Variants in HEPACAM2 observed in about 807,000 individuals in gnomAD.
HEPACAM2 encodes HEPACAM family member 2, also known as mitotic kinetics regulator.
In HEPACAM2, 49 loss-of-function variants were observed where a neutral mutation model predicts 49.6. The ratio of observed to expected loss-of-function variants is 0.99; its 90% CI spans 0.78 to 1.25. The LOEUF is 1.25. HEPACAM2 is among the 50% of genes most tolerant of loss of function. The pLI is 0.00. For missense variants in HEPACAM2, 525 were observed against 557.2 expected (o/e 0.94, Z 0.58); for synonymous variants, 197 against 202.9 (o/e 0.97, Z 0.25).
upstream of HEPACAM2, among the ~76,000 whole-genome samples, chr7:93,229,419 C>T (rs117033279): frequency 7.5e-3 from 1,148 of 152,282 alleles, 2 homozygotes; most frequent in Non-Finnish European, 0.013. Flanking sequence ...GAAGTGTAGT[C>T]ATATCATCTT....
At chr7:93,190,035 TTAAAA>T (rs1793503089) in intron 9 of HEPACAM2, among the ~76,000 whole-genome samples, 1 of 152,014 alleles carries the variant, frequency 6.6e-6, no homozygotes, top group Non-Finnish European at 1.5e-5. Context: ...TAATCTTTAG[TTAAAA>T]TAAGTAAACA....
intron 7 of HEPACAM2, 116 bp downstream of exon 7, chr7:93,197,125 G>T (rs569899159): frequency 3.7e-4 from 248 of 671,056 alleles, no homozygotes; most frequent in Middle Eastern, 3.0e-3. Flanking sequence ...GTAAGAGACT[G>T]TTATATTAAT....
intron 2 of HEPACAM2, among the ~76,000 whole-genome samples, chr7:93,217,988 G>A (rs574631131): frequency 2.6e-4 from 40 of 151,730 alleles, no homozygotes; most frequent in Admixed American, 5.3e-4. Flanking sequence ...TTTGAGCCAA[G>A]ACCTAAAGGA....
intron 1 of HEPACAM2, chr7:93,225,771 T>A: frequency 2.3e-6 from 1 of 428,930 alleles, no homozygotes; most frequent in Non-Finnish European, 4.1e-6. Flanking sequence ...AAATTCTTAA[T>A]AGGACTAGCC....
Position 93,188,676 on chromosome 7 carries a change from C to G in HEPACAM2, c.*591G>C, listed in dbSNP as rs1350831741. The G allele has an allele frequency of 4.9e-6, 1 of 206,108 alleles. No homozygotes were observed. The highest frequency in any genetic ancestry group is 9.6e-6 in the Non-Finnish European group (1 of 104,644). 12.8% of individuals were successfully genotyped at this position (206,108 alleles called of 1,614,324 possible). ...TAATAGTCATTTCCTTAAGTGTTCA[C>G]AAGTCTTCTCAAAAATACTACTGGT... On this transcript the variant is annotated 3_prime_UTR_variant, in exon 10 of 10. Coordinates refer to ENST00000394468, the MANE Select transcript of HEPACAM2 (RefSeq NM_001039372.4).
At chr7:93,199,003 T>C (rs1793810226) in intron 4 of HEPACAM2, among the ~76,000 whole-genome samples, 1 of 151,818 alleles carries the variant, frequency 6.6e-6, no homozygotes, top group Non-Finnish European at 1.5e-5. Context: ...AGTAAACACA[T>C]CATGGAAATC....
At chr7:93,192,703 A>G (rs907014684) in intron 8 of HEPACAM2, among the ~76,000 whole-genome samples, 17 of 152,230 alleles carry the variant, frequency 1.1e-4, no homozygotes, top group African/African-American at 4.1e-4. Flanking sequence ...ATCAGATAGC[A>G]TATATCATTA....
chr7:93,208,994 C>G (rs574857290), intron 3 of HEPACAM2, 118 bp from the exon 4 acceptor site: 2 of 751,760 alleles, frequency 2.7e-6, no homozygotes, highest in Non-Finnish European at 4.1e-6. Context: ...TAGAATTGGA[C>G]GAGCAGGTCC....
At chr7:93,229,302 T>G (rs2116739293), upstream of HEPACAM2, among the ~76,000 whole-genome samples, 1 of 152,318 alleles carries the variant, frequency 6.6e-6, no homozygotes, top group Non-Finnish European at 1.5e-5. Flanking sequence ...TTGATCTATC[T>G]TATATGGCTG....
chr7:93,208,864 C>T lies in HEPACAM2; in HGVS notation c.728G>A (p.Gly243Glu). 2 of 1,598,776 alleles carry T rather than the reference C, an allele frequency of 1.3e-6. No individual in the cohort carries two copies. The highest frequency in any genetic ancestry group is 1.1e-5 in the South Asian group (1 of 88,900). ...CCCTTTATCAGAATTCACTTGAAGT[C>T]CATAAGGTCCATCTGCATCAATATA... is the stretch of plus-strand genomic sequence containing the variant. ...IMPIIYYGPY[G>E]LQVNSDKGLK... The change falls in exon 4 of 10, where the codon GGA (glycine) becomes GAA (glutamate). Residue 243 changes from glycine (G) to glutamate (E), a missense_variant. Physicochemically the swap from Gly to Glu is moderately conservative, Grantham distance 98 (BLOSUM62 -2). Coordinates refer to ENST00000394468, the MANE Select transcript of HEPACAM2 (RefSeq NM_001039372.4).
Position 93,226,437 on chromosome 7 carries a change from C to A in HEPACAM2, c.10G>T (p.Asp4Tyr). Residue 4 changes from aspartate to tyrosine, a missense_variant, in exon 1 of 10, where the codon GAT (aspartate) becomes TAT (tyrosine). Physicochemically the swap from Asp to Tyr is radical, Grantham distance 160. Transcript: ENST00000394468. ...TCACCGAAGGGCTCCATGAAAGCAT[C>A]CTGTCCCATGCATGCAGTGCCCTGT... MGQ[D>Y]AFMEPFGDTL... The A allele has an allele frequency of 6.2e-7, 1 of 1,613,338 alleles. No homozygotes were observed. The highest frequency in any genetic ancestry group is 8.5e-7 in the Non-Finnish European group (1 of 1,179,428).
At chr7:93,226,260 C>A in intron 1 of HEPACAM2, 108 bp downstream of exon 1, 1 of 747,790 alleles carries the variant, frequency 1.3e-6, no homozygotes, top group Non-Finnish European at 2.2e-6. Flanking sequence ...ACCTGCTCTT[C>A]AATTATCTGA....
At chr7:93,230,324 G>A (rs186981569), upstream of HEPACAM2, among the ~76,000 whole-genome samples, 106 of 152,248 alleles carry the variant, frequency 7.0e-4, 1 homozygote, top group Admixed American at 6.9e-3. Context: ...ATACAGATAC[G>A]TTTTCTCATC....
At chr7:93,197,428 G>T in intron 5 of HEPACAM2, 31 bp from the exon 6 acceptor site, 2 of 1,579,438 alleles carry the variant, frequency 1.3e-6, no homozygotes, top group South Asian at 2.3e-5. Flanking sequence ...AAATGGTAAG[G>T]TTTTTTTTAG....
Position 93,189,026 on chromosome 7 carries a change from A to G in HEPACAM2, c.*241T>C, listed in dbSNP as rs1793469708. ...CGTTCTCCCCGTCAGCATGAGAACG[A>G]CTCTCCACTGAGGAATATTTCCCCA... On this transcript the variant is annotated 3_prime_UTR_variant, in exon 10 of 10. Transcript: ENST00000394468. 2.0e-6 allele frequency: 1 copy of G among 495,142 alleles called. No homozygotes were observed. The highest frequency in any genetic ancestry group is 3.6e-5 in the South Asian group (1 of 27,760). 30.7% of individuals were successfully genotyped at this position (495,142 alleles called of 1,614,324 possible).
chr7:93,190,399 G>T (rs1372512803), intron 9 of HEPACAM2, among the ~76,000 whole-genome samples: 3 of 151,794 alleles, frequency 2.0e-5, no homozygotes, highest in Non-Finnish European at 4.4e-5. Flanking sequence ...AGAAAATGAG[G>T]GATTCAAAGG....
chr7:93,198,268 G>C (rs1315813548), intron 4 of HEPACAM2, among the ~76,000 whole-genome samples: 1 of 151,800 alleles, frequency 6.6e-6, no homozygotes, highest in Admixed American at 6.6e-5. Context: ...TATAAAATAC[G>C]GTGCTAATAA....
intron 4 of HEPACAM2, among the ~76,000 whole-genome samples, chr7:93,199,631 C>T (rs1279801180): frequency 6.6e-6 from 1 of 151,976 alleles, no homozygotes; most frequent in Non-Finnish European, 1.5e-5. Flanking sequence ...TACTCTATGA[C>T]TTGGGGGAGC....
At chr7:93,192,410 A>C in intron 8 of HEPACAM2, 47 bp from the exon 9 acceptor site, 1 of 1,408,960 alleles carries the variant, frequency 7.1e-7, no homozygotes, top group Non-Finnish European at 1.0e-6. Flanking sequence ...AGACTAGTAA[A>C]TAGTTTTTCC....
Sources: allele counts gnomAD v4.1 joint callset (sites outside exome capture counted in the v4.1 genomes callset), GRCh38; gene constraint gnomAD v4.1.1; transcripts MANE v1.5; gene names NCBI Gene and HGNC (gene_info 2026-07-23, HGNC 2026-07-21).